The following ZNF536 variants were observed in gnomAD, a reference collection of about 807,000 sequenced individuals.
ZNF536 encodes zinc finger protein 536.
Under a neutral mutation model 84.5 loss-of-function variants are expected in ZNF536, and 13 were observed. That is an observed-to-expected ratio of 0.15 (90% CI 0.10 to 0.24). ZNF536 has a LOEUF of 0.24. Ranked by LOEUF, ZNF536 falls within the 10% of genes least tolerant of loss-of-function variation. The probability of loss-of-function intolerance (pLI) is 1.00; values close to 1 mark genes in which losing one functional copy is unlikely to be tolerated. For missense variants in ZNF536, 1,536 were observed against 1,747.5 expected, an observed-to-expected ratio of 0.88 and a Z score of 2.16; for synonymous variants, 811 against 742.5, an observed-to-expected ratio of 1.09 and a Z score of -1.50.
At chr19:30,312,294 G>A (rs536449022) in intron 2 of ZNF536, among the ~76,000 whole-genome samples, 1 of 152,198 alleles carries the variant, frequency 6.6e-6, no homozygotes, top group South Asian at 2.1e-4. Context: ...TGAACAGAGG[G>A]GGCGGGGATG....
At chr19:30,626,870 T>C (rs745489672) in intron 1 of ZNF536, among the ~76,000 whole-genome samples, 6 of 152,202 alleles carry the variant, frequency 3.9e-5, no homozygotes, top group Non-Finnish European at 8.8e-5. Context: ...GGTGTTGCAT[T>C]TGGGAAGCCC....
At chr19:30,497,172 TG>T in intron 2 of ZNF536, among the ~76,000 whole-genome samples, 1 of 151,864 alleles carries the variant, frequency 6.6e-6, no homozygotes, top group African/African-American at 2.4e-5. Context: ...TGCCCCTGGG[TG>T]TGTGTATTTA....
chr19:30,296,541 C>T (rs1033781598), intron 2 of ZNF536, among the ~76,000 whole-genome samples: 4 of 152,196 alleles, frequency 2.6e-5, no homozygotes, highest in East Asian at 1.9e-4. Flanking sequence ...GTGAACTAGC[C>T]GGGGTGAAGG....
Position 30,548,010 on chromosome 19 carries a change from C to T in ZNF536, c.2391C>T (p.His797=), listed in dbSNP as rs2146176907. 1 of 1,612,194 alleles carries T rather than the reference C, an allele frequency of 6.2e-7. No homozygotes were observed. Among genetic ancestry groups the T allele is most frequent in the Non-Finnish European group, 8.5e-7 (1 of 1,179,176 alleles). Residue 797 remains histidine (H), a synonymous_variant, in exon 4 of 5, where the codon CAC becomes CAT. Coordinates refer to ENST00000355537, the MANE Select transcript of ZNF536 (RefSeq NM_014717.3). ...CGCAGTCAGCATCCTTAAAATACCA[C>T]TTAGAGCGACACCATCGGGAGCGGC... The part of the protein sequence containing the change: ...AGTQSASLKY[H]LERHHRERQN...
intron 1 of ZNF536, among the ~76,000 whole-genome samples, chr19:30,641,960 C>T (rs1173100772): frequency 2.0e-5 from 3 of 152,150 alleles, no homozygotes; most frequent in African/African-American, 7.2e-5. Flanking sequence ...CAAAGGAAAG[C>T]CTATTTAATG....
At chr19:30,376,109 G>C (rs549977055) in intron 1 of ZNF536, among the ~76,000 whole-genome samples, 180 of 152,170 alleles carry the variant, frequency 1.2e-3, no homozygotes, top group African/African-American at 4.2e-3. Context: ...CTGCTGTAGC[G>C]CCCTCTCCCT....
chr19:30,234,790 A>G (rs2023362038), intron 1 of ZNF536, among the ~76,000 whole-genome samples: 1 of 151,584 alleles, frequency 6.6e-6, no homozygotes, highest in African/African-American at 2.4e-5. Context: ...CACGCACCCC[A>G]CACCACGAAG....
intron 1 of ZNF536, among the ~76,000 whole-genome samples, chr19:30,702,210 G>A (rs1198298646): frequency 6.6e-6 from 1 of 152,136 alleles, no homozygotes; most frequent in Non-Finnish European, 1.5e-5. Context: ...AAAATATCTC[G>A]TTTCCCCACT....
chr19:30,282,152 C>T (rs1568301789), intron 1 of ZNF536, among the ~76,000 whole-genome samples: 1 of 152,226 alleles, frequency 6.6e-6, no homozygotes, highest in Non-Finnish European at 1.5e-5. Flanking sequence ...GGAGCCTCCT[C>T]CTGTTTAGAC....
intron 1 of ZNF536, among the ~76,000 whole-genome samples, chr19:30,680,161 T>C (rs1396113065): frequency 2.0e-5 from 3 of 152,102 alleles, no homozygotes; most frequent in Non-Finnish European, 4.4e-5. Context: ...GGACAAGAAA[T>C]GGGGAGGCAG....
At chr19:30,604,535 T>G (rs2047801930) in intron 1 of ZNF536, among the ~76,000 whole-genome samples, 1 of 152,232 alleles carries the variant, frequency 6.6e-6, no homozygotes, top group Non-Finnish European at 1.5e-5. Flanking sequence ...GGAGTTTTTG[T>G]GGAGTGCTAT....
chr19:30,249,739 C>T (rs1372095014), intron 1 of ZNF536, among the ~76,000 whole-genome samples: 1 of 152,228 alleles, frequency 6.6e-6, no homozygotes. Context: ...CATCGAACCT[C>T]TCTTTGCCAC....
At chr19:30,494,336 G>A (rs2145170026) in intron 2 of ZNF536, among the ~76,000 whole-genome samples, 1 of 152,344 alleles carries the variant, frequency 6.6e-6, no homozygotes. Context: ...GCTATTGCCA[G>A]AAGCACTGGG....
intron 1 of ZNF536, among the ~76,000 whole-genome samples, chr19:30,612,204 T>C (rs995724874): frequency 3.3e-5 from 5 of 152,152 alleles, no homozygotes; most frequent in African/African-American, 1.2e-4. Context: ...AAATGGGAAA[T>C]TGTGAATGGG....
intron 2 of ZNF536, among the ~76,000 whole-genome samples, chr19:30,303,652 G>A (rs1303937887): frequency 6.6e-6 from 1 of 152,040 alleles, no homozygotes; most frequent in Non-Finnish European, 1.5e-5. Context: ...ACAGGTGCCG[G>A]CCACCACGCC....
intron 4 of ZNF536, among the ~76,000 whole-genome samples, chr19:30,550,285 C>T (rs977986879): frequency 6.6e-6 from 1 of 152,112 alleles, no homozygotes; most frequent in Non-Finnish European, 1.5e-5. Context: ...ATATGGGTAC[C>T]CCAAAGGAAT....
chr19:30,248,002 A>G lies in ZNF536; in HGVS notation c.-190+19329A>G, dbSNP rs1340635430. 4.6e-5 allele frequency among the ~76,000 whole-genome samples: 7 copies of G among 152,294 alleles called. No homozygotes were observed. In the South Asian group the frequency reaches 1.2e-3, roughly 27 times the overall value. ...TTATCTCCTGAGACCCTGTCACCTT[A>G]CGGTGCAGACAGCGGCATCAGGAAG... On this transcript the variant is annotated intron_variant, in intron 1 of 5. Transcript: ENST00000585628.
intron 1 of ZNF536, among the ~76,000 whole-genome samples, chr19:30,247,929 A>G (rs2024372941): frequency 1.3e-5 from 2 of 152,222 alleles, no homozygotes; most frequent in South Asian, 4.1e-4. Flanking sequence ...ACATTTAACC[A>G]AATCAGAGAG....
At chr19:30,676,009 C>T (rs2050739621) in intron 1 of ZNF536, among the ~76,000 whole-genome samples, 1 of 151,910 alleles carries the variant, frequency 6.6e-6, no homozygotes, top group African/African-American at 2.4e-5. Flanking sequence ...AGGCATGAGC[C>T]ACTACATCAG....
Sources: gnomAD v4.1 joint callset for allele counts (sites outside exome capture counted in the v4.1 genomes callset) on GRCh38, gnomAD v4.1.1 for gene constraint, MANE v1.5 for transcripts, NCBI Gene and HGNC (gene_info 2026-07-23, HGNC 2026-07-21) for gene names.